Variants in UBE2E2 observed in about 807,000 individuals in gnomAD.
The protein encoded by UBE2E2 is ubiquitin conjugating enzyme E2 E2, also known as ubiquitin-conjugating enzyme E2 E2.
Under a neutral mutation model 24.7 loss-of-function variants are expected in UBE2E2, and 6 were observed. The ratio of observed to expected loss-of-function variants is 0.24; its 90% CI spans 0.13 to 0.48. The LOEUF (loss-of-function observed/expected upper bound fraction) is 0.48, where lower values mean the gene tolerates loss of function less well. UBE2E2 is among the 20% of genes least tolerant of loss of function. The pLI is 0.99. For synonymous variants in UBE2E2, 104 were observed against 83.6 expected, an observed-to-expected ratio of 1.24 and a Z score of -1.33; for missense variants, 169 against 245.0, an observed-to-expected ratio of 0.69 and a Z score of 2.07.
intron 3 of UBE2E2, among the ~76,000 whole-genome samples, chr3:23,410,669 A>G (rs904234896): frequency 6.6e-6 from 1 of 152,210 alleles, no homozygotes; most frequent in African/African-American, 2.4e-5. Context: ...AAACAAGTGT[A>G]TGTAGAAGTA....
chr3:23,437,324 T>G (rs1698206145), intron 3 of UBE2E2, among the ~76,000 whole-genome samples: 2 of 152,218 alleles, frequency 1.3e-5, no homozygotes, highest in South Asian at 4.1e-4. Context: ...CTTTTGACTT[T>G]TCCATGCATA....
At chr3:23,209,588 T>C (rs1225810637) in intron 2 of UBE2E2, among the ~76,000 whole-genome samples, 2 of 152,256 alleles carry the variant, frequency 1.3e-5, no homozygotes, top group African/African-American at 4.8e-5. Context: ...TTTGTTTTCA[T>C]ATATTTTACA....
intron 3 of UBE2E2, among the ~76,000 whole-genome samples, chr3:23,381,418 T>C (rs370584254): frequency 0.045 from 2,162 of 48,406 alleles, 51 homozygotes; most frequent in African/African-American, 0.17. Context: ...ATGGCATTAG[T>C]TTATGAAGTG....
chr3:23,425,305 T>C (rs1025205874), intron 3 of UBE2E2, among the ~76,000 whole-genome samples: 2 of 152,178 alleles, frequency 1.3e-5, no homozygotes, highest in African/African-American at 4.8e-5. Context: ...TCCTAGATAG[T>C]TGGACAAATC....
chr3:23,228,547 G>T (rs967412132), intron 3 of UBE2E2, among the ~76,000 whole-genome samples: 73 of 152,088 alleles, frequency 4.8e-4, no homozygotes, highest in Non-Finnish European at 4.9e-4. Flanking sequence ...TATTATGCTC[G>T]TTGATTTACA....
chr3:23,342,581 A>G (rs1352281145), intron 3 of UBE2E2, among the ~76,000 whole-genome samples: 1 of 152,188 alleles, frequency 6.6e-6, no homozygotes, highest in African/African-American at 2.4e-5. Flanking sequence ...TGGTTATAGA[A>G]TGCACATGCA....
intron 3 of UBE2E2, among the ~76,000 whole-genome samples, chr3:23,297,944 G>T (rs1004460253): frequency 1.3e-5 from 2 of 151,648 alleles, no homozygotes; most frequent in Non-Finnish European, 2.9e-5. Flanking sequence ...CCATTTCTTT[G>T]TATCCTCTTT....
intron 5 of UBE2E2, among the ~76,000 whole-genome samples, chr3:23,575,414 G>A (rs1696325288): frequency 6.6e-6 from 1 of 152,132 alleles, no homozygotes. Context: ...TTTTGACCGA[G>A]TACTGAGGCC....
intron 3 of UBE2E2, among the ~76,000 whole-genome samples, chr3:23,404,740 C>T (rs540321966): frequency 6.6e-6 from 1 of 152,192 alleles, no homozygotes; most frequent in African/African-American, 2.4e-5. Flanking sequence ...TTAAAATAAT[C>T]GCTAACTGTA....
chr3:23,329,378 A>T (rs1695000587), intron 3 of UBE2E2, among the ~76,000 whole-genome samples: 1 of 152,178 alleles, frequency 6.6e-6, no homozygotes, highest in Admixed American at 6.5e-5. Context: ...TTTGTTTTGA[A>T]TGTTCTGGAA....
intron 5 of UBE2E2, among the ~76,000 whole-genome samples, chr3:23,560,098 A>C (rs1482495610): frequency 2.6e-5 from 4 of 152,086 alleles, no homozygotes; most frequent in Non-Finnish European, 5.9e-5. Context: ...TCTAGGGTAC[A>C]TGTGCACAAC....
chr3:23,313,427 C>G (rs1419516071), intron 3 of UBE2E2, among the ~76,000 whole-genome samples: 2 of 134,002 alleles, frequency 1.5e-5, no homozygotes, highest in African/African-American at 5.6e-5. Context: ...GCTCTGTTCC[C>G]AGGCTGGAGT....
At chr3:23,464,586 C>G (rs1160546962) in intron 3 of UBE2E2, among the ~76,000 whole-genome samples, 3 of 152,004 alleles carry the variant, frequency 2.0e-5, no homozygotes, top group Non-Finnish European at 4.4e-5. Context: ...TACTTAAATT[C>G]AAAGACAAAA....
chr3:23,436,982 C>G (rs1409607179), intron 3 of UBE2E2, among the ~76,000 whole-genome samples: 1 of 152,182 alleles, frequency 6.6e-6, no homozygotes, highest in East Asian at 1.9e-4. Context: ...CTGTGGAGAA[C>G]AAGACATAAG....
chr3:23,485,579 A>T (rs1699350251), intron 3 of UBE2E2, among the ~76,000 whole-genome samples: 1 of 152,160 alleles, frequency 6.6e-6, no homozygotes, highest in Non-Finnish European at 1.5e-5. Context: ...TTGTTGAAGT[A>T]GTAATGTGTG....
At chr3:23,504,705 A>G (rs1334337421) in intron 4 of UBE2E2, among the ~76,000 whole-genome samples, 2 of 152,140 alleles carry the variant, frequency 1.3e-5, no homozygotes, top group African/African-American at 4.8e-5. Flanking sequence ...GTTTTCATGT[A>G]TACTGTTGTC....
At chr3:23,303,668 G>C (rs1336652427) in intron 3 of UBE2E2, among the ~76,000 whole-genome samples, 2 of 152,142 alleles carry the variant, frequency 1.3e-5, no homozygotes, top group African/African-American at 4.8e-5. Context: ...CATTTTCAGT[G>C]ACAAGTATAA....
intron 3 of UBE2E2, among the ~76,000 whole-genome samples, chr3:23,226,516 A>C (rs1559446939): frequency 2.0e-5 from 3 of 152,204 alleles, no homozygotes; most frequent in Admixed American, 1.3e-4. Flanking sequence ...TTGGAATTAC[A>C]GGTGTGAGCC....
At chr3:23,484,331 A>G (rs1699316277) in intron 3 of UBE2E2, among the ~76,000 whole-genome samples, 1 of 152,178 alleles carries the variant, frequency 6.6e-6, no homozygotes, top group Non-Finnish European at 1.5e-5. Flanking sequence ...TGTTCAAACC[A>G]TATACTTATC....
Sources: gnomAD v4.1 joint callset for allele counts (sites outside exome capture counted in the v4.1 genomes callset) on GRCh38, gnomAD v4.1.1 for gene constraint, MANE v1.5 for transcripts, NCBI Gene and HGNC (gene_info 2026-07-23, HGNC 2026-07-21) for gene names.